Variants in GABRB3 observed in about 807,000 individuals in gnomAD.
GABRB3 encodes gamma-aminobutyric acid receptor subunit beta-3.
In GABRB3, 14 loss-of-function variants were observed where a neutral mutation model predicts 52.1. The observed-to-expected ratio is 0.27, with a 90% CI of 0.18 to 0.42. The LOEUF is 0.42. Among genes scored for constraint, GABRB3 ranks in the 10% least tolerant of loss-of-function variants. GABRB3 has a pLI of 1.00. For missense variants in GABRB3, 307 were observed against 609.1 expected (o/e 0.50, Z 5.22); for synonymous variants, 260 against 232.3 (o/e 1.12, Z -1.08).
intron 7 of GABRB3, among the ~76,000 whole-genome samples, chr15:26,566,546 C>T (rs1013083201): frequency 3.9e-5 from 6 of 151,962 alleles, no homozygotes; most frequent in South Asian, 2.1e-4. Flanking sequence ...GGACACATGG[C>T]GAAACCCCAT....
At chr15:26,561,666 T>G (rs1889993279) in intron 7 of GABRB3, among the ~76,000 whole-genome samples, 1 of 152,222 alleles carries the variant, frequency 6.6e-6, no homozygotes, top group Admixed American at 6.5e-5. Context: ...AGGCAGCCTG[T>G]GAGAAGAAAA....
chr15:26,660,121 T>C (rs1005232608), intron 3 of GABRB3, among the ~76,000 whole-genome samples: 3 of 151,520 alleles, frequency 2.0e-5, no homozygotes, highest in African/African-American at 7.3e-5. Flanking sequence ...TCCCAGCTAC[T>C]CAGGAGTCTG....
chr15:26,770,014 T>C (rs1264593798), intron 3 of GABRB3, among the ~76,000 whole-genome samples: 1 of 152,368 alleles, frequency 6.6e-6, no homozygotes, highest in African/African-American at 2.4e-5. Context: ...TCTAATCCTA[T>C]GCTTATATAT....
intron 3 of GABRB3, among the ~76,000 whole-genome samples, chr15:26,678,554 G>A (rs1414085071): frequency 6.6e-6 from 1 of 152,086 alleles, no homozygotes; most frequent in Admixed American, 6.6e-5. Context: ...GAGAGAGAGA[G>A]AATGAGAGTG....
rs1048697535 is a variant in GABRB3, at chr15:26,682,100, T to A, written c.241-60566A>T. ...AATCTTTGACTCAAATGATTTACCCTTAGGTTTGTCCTTATAAGACCTGGT... is the reference window on the plus strand; with the variant it reads ...AATCTTTGACTCAAATGATTTACCCATAGGTTTGTCCTTATAAGACCTGGT... On this transcript the variant is annotated intron_variant, in intron 3 of 8. Transcript: ENST00000311550. Among the ~76,000 whole-genome samples, 12 of 152,226 alleles carry A rather than the reference T, an allele frequency of 7.9e-5. No homozygotes were observed. In the East Asian group the frequency reaches 2.3e-3, roughly 29 times the overall value.
intron 3 of GABRB3, among the ~76,000 whole-genome samples, chr15:26,684,217 C>G (rs1453638597): frequency 6.6e-6 from 1 of 152,118 alleles, no homozygotes; most frequent in Non-Finnish European, 1.5e-5. Flanking sequence ...GAAACTTACA[C>G]ACAAGTCTGG....
intron 4 of GABRB3, among the ~76,000 whole-genome samples, chr15:26,619,412 G>T: frequency 6.6e-6 from 1 of 150,860 alleles, no homozygotes. Flanking sequence ...GTAAACTACT[G>T]CAAGAACAAA....
intron 8 of GABRB3, among the ~76,000 whole-genome samples, chr15:26,554,175 A>AATATATATATATATATATATATATATAT (rs1397152466): frequency 7.0e-5 from 1 of 14,258 alleles, no homozygotes; most frequent in Non-Finnish European, 2.0e-4. Flanking sequence ...ATATATATAA[A>AATATATATATATATATATATATATATAT]GTATATATAT....
chr15:26,721,240 G>C (rs1725443147), intron 3 of GABRB3, among the ~76,000 whole-genome samples: 1 of 152,138 alleles, frequency 6.6e-6, no homozygotes, highest in Non-Finnish European at 1.5e-5. Flanking sequence ...TTTTAAGCTG[G>C]TAATTTTGAG....
At chr15:26,612,697 A>G (rs1892115011) in intron 4 of GABRB3, 1 of 152,250 alleles carries the variant, frequency 6.6e-6, no homozygotes, top group East Asian at 1.9e-4. Flanking sequence ...GTAGTGCTAC[A>G]TGTGCATAAT....
intron 3 of GABRB3, among the ~76,000 whole-genome samples, chr15:26,711,744 A>T (rs1032003696): frequency 2.6e-5 from 4 of 152,230 alleles, no homozygotes; most frequent in Admixed American, 2.6e-4. Flanking sequence ...CCTTTCTTAC[A>T]GCAGCAGCCA....
chr15:26,649,542 G>T (rs1208491968), intron 3 of GABRB3, among the ~76,000 whole-genome samples: 2 of 152,170 alleles, frequency 1.3e-5, no homozygotes, highest in Non-Finnish European at 2.9e-5. Flanking sequence ...GGCATGACTG[G>T]AGGTAGTGTA....
intron 3 of GABRB3, among the ~76,000 whole-genome samples, chr15:26,667,682 G>T (rs1037670132): frequency 6.6e-6 from 1 of 152,192 alleles, no homozygotes. Context: ...CTCATTCCCA[G>T]AGTAGGATCT....
chr15:26,686,221 A>T (rs1296961231), intron 3 of GABRB3, among the ~76,000 whole-genome samples: 1 of 152,192 alleles, frequency 6.6e-6, no homozygotes. Context: ...CTGGGATTAC[A>T]GGCGTGAGCC....
intron 3 of GABRB3, among the ~76,000 whole-genome samples, chr15:26,767,585 GA>G (rs1891033403): frequency 6.6e-6 from 1 of 152,150 alleles, no homozygotes; most frequent in Admixed American, 6.5e-5. Context: ...CTTGGAAACA[GA>G]ACCCATAGCT....
chr15:26,619,574 C>T (rs1309706467), intron 4 of GABRB3, among the ~76,000 whole-genome samples: 12 of 150,110 alleles, frequency 8.0e-5, no homozygotes, highest in East Asian at 7.9e-4. Flanking sequence ...TGCTAGATGA[C>T]GAGTTAGTGG....
intron 6 of GABRB3, among the ~76,000 whole-genome samples, chr15:26,569,841 G>T (rs1367355143): frequency 2.6e-5 from 4 of 152,154 alleles, no homozygotes; most frequent in Non-Finnish European, 5.9e-5. Context: ...GGAAAACCTT[G>T]TCCTTTCAAT....
chr15:26,751,933 A>G (rs1890521268), intron 3 of GABRB3, among the ~76,000 whole-genome samples: 1 of 152,236 alleles, frequency 6.6e-6, no homozygotes, highest in South Asian at 2.1e-4. Flanking sequence ...AGGAGGAAAC[A>G]TGGGCTAATA....
At chr15:26,622,282 G>C (rs765311648) in intron 3 of GABRB3, among the ~76,000 whole-genome samples, 14 of 152,268 alleles carry the variant, frequency 9.2e-5, no homozygotes, top group African/African-American at 3.1e-4. Context: ...TTCTGCTTTC[G>C]TTTTGCCAAA....
Sources: gnomAD v4.1 joint callset for allele counts (sites outside exome capture counted in the v4.1 genomes callset) on GRCh38, gnomAD v4.1.1 for gene constraint, MANE v1.5 for transcripts, NCBI Gene and HGNC (gene_info 2026-07-23, HGNC 2026-07-21) for gene names.